NEK11: variants seen among roughly 807,000 people sequenced by gnomAD.
The protein encoded by NEK11 is serine/threonine-protein kinase Nek11.
In NEK11, 72 loss-of-function variants were observed where a neutral mutation model predicts 80.7. That is an observed-to-expected ratio of 0.89 (90% CI 0.74 to 1.08). NEK11 has a LOEUF of 1.08. Ranked by LOEUF, NEK11 falls within the 50% of genes least tolerant of loss-of-function variation. The probability of loss-of-function intolerance (pLI) is 0.00; values close to 1 mark genes in which losing one functional copy is unlikely to be tolerated. For synonymous variants in NEK11, 251 were observed against 260.7 expected, an observed-to-expected ratio of 0.96 and a Z score of 0.36; for missense variants, 764 against 763.6, an observed-to-expected ratio of 1.00 and a Z score of -0.01.
chr3:131,088,725 A>G (rs959178600), intron 4 of NEK11, among the ~76,000 whole-genome samples: 1 of 152,210 alleles, frequency 6.6e-6, no homozygotes, highest in Non-Finnish European at 1.5e-5. Context: ...TTTGAAAAAA[A>G]TACTAACTAA....
intron 17 of NEK11, among the ~76,000 whole-genome samples, chr3:131,303,427 G>A (rs904168144): frequency 3.3e-5 from 5 of 152,038 alleles, no homozygotes; most frequent in Non-Finnish European, 5.9e-5. Context: ...TAGTGTCAAC[G>A]GTCTATGTAT....
At position 131,084,643 on chromosome 3, in the gene NEK11, AG is replaced by A. The variant is rs1283140766; in HGVS notation, c.336+4058del. Among the ~76,000 whole-genome samples, 9 of 152,330 alleles carry A rather than the reference AG, an allele frequency of 5.9e-5. No homozygotes were observed. In the East Asian group the frequency reaches 1.7e-3, roughly 29 times the overall value. On this transcript the variant is annotated intron_variant, in intron 4 of 17. Coordinates refer to ENST00000383366, the MANE Select transcript of NEK11 (RefSeq NM_024800.5). ...GGTTGTGGTGGAGAGAACATATGAT[AG>A]GGAAAAAGGCAGGAAATGTTGGACT...
chr3:131,117,873 G>C (rs1313108435), intron 5 of NEK11, among the ~76,000 whole-genome samples: 1 of 152,160 alleles, frequency 6.6e-6, no homozygotes, highest in African/African-American at 2.4e-5. Flanking sequence ...TAGATTTTGG[G>C]CTGAGACGAT....
chr3:131,319,926 T>G (rs1215763650), intron 17 of NEK11, among the ~76,000 whole-genome samples: 7 of 152,106 alleles, frequency 4.6e-5, no homozygotes, highest in Admixed American at 4.6e-4. Flanking sequence ...GCACTTTCTA[T>G]TTTTTCAATA....
chr3:131,184,066 G>T (rs563871121), intron 14 of NEK11, among the ~76,000 whole-genome samples: 4 of 152,244 alleles, frequency 2.6e-5, no homozygotes, highest in African/African-American at 9.6e-5. Flanking sequence ...TTTGCTCTCA[G>T]TAAATCATAT....
At chr3:131,168,313 G>C (rs1483966081) in intron 12 of NEK11, among the ~76,000 whole-genome samples, 1 of 151,572 alleles carries the variant, frequency 6.6e-6, no homozygotes, top group Non-Finnish European at 1.5e-5. Context: ...ATTAGTCCAG[G>C]GTGCAGCCTG....
rs138399301 is a variant in NEK11 at position 131,228,614 on chromosome 3, G to T, written c.1486G>T (p.Glu496Ter). 1.2e-6 allele frequency: 2 copies of T among 1,613,790 alleles called. No homozygotes were observed. The highest frequency in any genetic ancestry group is 2.2e-5 in the South Asian group (2 of 91,052). ...YCEESDEEEE[E>*]IALERPEKEI... ...TGAAGAGAGTGATGAGGAGGAAGAA[G>T]AAATAGCGTTAGAAAGACCAGAGAA... The change falls in exon 15 of 18, where the codon GAA becomes TAA. Residue 496 changes from glutamate (E) to a stop codon, truncating the protein, a stop_gained. Coordinates refer to ENST00000383366, the MANE Select transcript of NEK11 (RefSeq NM_024800.5). LOFTEE classifies it high-confidence loss of function.
At chr3:131,297,320 T>C (rs1435404556) in intron 17 of NEK11, among the ~76,000 whole-genome samples, 17 of 152,092 alleles carry the variant, frequency 1.1e-4, no homozygotes, top group East Asian at 7.7e-4. Context: ...CTCTCCAGCA[T>C]CTGTTGTTTC....
intron 14 of NEK11, among the ~76,000 whole-genome samples, chr3:131,200,071 C>T (rs546553990): frequency 4.3e-4 from 66 of 152,234 alleles, no homozygotes; most frequent in African/African-American, 1.5e-3. Context: ...ATTAAAACTT[C>T]AGACAACCAA....
At chr3:131,231,650 C>T (rs1428734612) in intron 15 of NEK11, among the ~76,000 whole-genome samples, 1 of 151,892 alleles carries the variant, frequency 6.6e-6, no homozygotes, top group African/African-American at 2.4e-5. Context: ...TGTAGTTTCT[C>T]CTTCCCCAAA....
chr3:131,157,738 G>A (rs1198510358), intron 10 of NEK11, among the ~76,000 whole-genome samples: 5 of 152,126 alleles, frequency 3.3e-5, no homozygotes, highest in Non-Finnish European at 7.4e-5. Context: ...CCTGTATGGG[G>A]CCACTGTACA....
At position 131,349,611 on chromosome 3, in the gene NEK11, C is replaced by T. The variant is rs1403300798; in HGVS notation, c.1773C>T (p.Leu591=). 6.2e-7 allele frequency: 1 copy of T among 1,613,976 alleles called. No individual in the cohort carries two copies. The highest frequency in any genetic ancestry group is 1.7e-5 in the Admixed American group (1 of 59,994). The change falls in exon 18 of 18, where the codon CTC becomes CTT. Residue 591 remains leucine (L), a synonymous_variant. Transcript: ENST00000383366. ...TEVFEEVYNY[L]KRARHQNASE... ...TATTTGAAGAGGTCTATAATTACCTCAAGAGAGCAAGGCATCAGAATGCTA... is the reference window on the plus strand; with the variant it reads ...TATTTGAAGAGGTCTATAATTACCTTAAGAGAGCAAGGCATCAGAATGCTA...
At chr3:131,243,999 TA>T (rs1468721946) in intron 16 of NEK11, among the ~76,000 whole-genome samples, 1 of 151,868 alleles carries the variant, frequency 6.6e-6, no homozygotes, top group Non-Finnish European at 1.5e-5. Context: ...TAGTTTCTTC[TA>T]TTTTTTTTTT....
intron 3 of NEK11, among the ~76,000 whole-genome samples, chr3:131,072,637 G>C (rs1268042191): frequency 6.6e-6 from 1 of 152,166 alleles, no homozygotes; most frequent in African/African-American, 2.4e-5. Context: ...ATTTTAAGGG[G>C]AAGTTAGAAT....
In NEK11 at chr3:131,203,419, G is replaced by A. The variant is rs1397996802; in HGVS notation, c.1400-25109G>A. 2.9e-4 allele frequency among the ~76,000 whole-genome samples: 41 copies of A among 142,788 alleles called. 1 individual carries two copies. Among genetic ancestry groups the A allele is most frequent in the African/African-American group, 1.0e-3 (40 of 38,688 alleles). 93.7% of individuals were successfully genotyped at this position (142,788 alleles called of 152,430 possible). On this transcript the variant is annotated intron_variant, in intron 14 of 17. Coordinates refer to ENST00000383366, the MANE Select transcript of NEK11 (RefSeq NM_024800.5). The stretch of plus-strand genomic sequence containing the variant: ...ACAGGAAGGGGAACATCACACACTG[G>A]GGCCTGTTGTGGGGTGAGGGGAGGG...
chr3:131,294,008 T>C (rs569245640), intron 17 of NEK11, among the ~76,000 whole-genome samples: 37 of 149,882 alleles, frequency 2.5e-4, no homozygotes, highest in Admixed American at 1.4e-3. Context: ...ATTTTACTGA[T>C]CTTTTCAAAG....
intron 17 of NEK11, chr3:131,326,062 A>ATTTG (rs1429919968): frequency 6.6e-6 from 1 of 152,210 alleles, no homozygotes; most frequent in African/African-American, 2.4e-5. Context: ...CATTGCACAC[A>ATTTG]TTTGTTTGTT....
chr3:131,101,690 A>G (rs116628403), intron 4 of NEK11, among the ~76,000 whole-genome samples: 1,766 of 152,316 alleles, frequency 0.012, 39 homozygotes, highest in African/African-American at 0.04. Flanking sequence ...GAAGAGAAGC[A>G]TATATATTCT....
At chr3:131,160,964 C>G (rs1241659863) in intron 10 of NEK11, among the ~76,000 whole-genome samples, 2 of 152,074 alleles carry the variant, frequency 1.3e-5, no homozygotes, top group Non-Finnish European at 2.9e-5. Flanking sequence ...AATGGTGGAT[C>G]ATGAGGTCAA....
Sources: gnomAD v4.1 joint callset for allele counts (sites outside exome capture counted in the v4.1 genomes callset) on GRCh38, gnomAD v4.1.1 for gene constraint, MANE v1.5 for transcripts, NCBI Gene and HGNC (gene_info 2026-07-23, HGNC 2026-07-21) for gene names.